The following GLTP variants were observed in gnomAD, a reference collection of about 807,000 sequenced individuals.
GLTP encodes glycolipid transfer protein.
GLTP carries 22 observed loss-of-function variants against 24.0 expected under a neutral mutation model. That is an observed-to-expected ratio of 0.92 (90% CI 0.65 to 1.31). The LOEUF is 1.31. GLTP is among the 50% of genes most tolerant of loss of function. The pLI, the probability that GLTP is intolerant of heterozygous loss-of-function variation, is 0.00. For missense variants in GLTP, 224 were observed against 276.6 expected, an observed-to-expected ratio of 0.81 and a Z score of 1.35; for synonymous variants, 92 against 115.9, an observed-to-expected ratio of 0.79 and a Z score of 1.33.
chr12:109,867,218 G>A lies in GLTP; in HGVS notation c.104-8477C>T, dbSNP rs112247488. 5.6e-3 allele frequency among the ~76,000 whole-genome samples: 847 copies of A among 151,694 alleles called. 6 individuals carry two copies. Among genetic ancestry groups the A allele is most frequent in the African/African-American group, 0.019 (805 of 41,342 alleles). ...AGCCGGAGTGCAGTGGAGCAATCTC[G>A]GCTCACTGCAACCTCCGCCTCCCGA... On this transcript the variant is annotated intron_variant, in intron 1 of 4. Coordinates refer to ENST00000318348, the MANE Select transcript of GLTP (RefSeq NM_016433.4).
intron 1 of GLTP, among the ~76,000 whole-genome samples, chr12:109,873,377 G>C (rs1868786862): frequency 6.6e-6 from 1 of 152,120 alleles, no homozygotes; most frequent in Admixed American, 6.5e-5. Context: ...GCTCACGCCT[G>C]TAATCCCAGC....
intron 1 of GLTP, among the ~76,000 whole-genome samples, chr12:109,861,087 C>G (rs1320476749): frequency 6.6e-6 from 1 of 151,252 alleles, no homozygotes; most frequent in African/African-American, 2.4e-5. Flanking sequence ...AAGGCCAATA[C>G]CCAGGAGGCC....
intron 1 of GLTP, among the ~76,000 whole-genome samples, chr12:109,862,539 C>T (rs374489535): frequency 6.6e-6 from 1 of 152,286 alleles, no homozygotes; most frequent in East Asian, 1.9e-4. Context: ...CCCATGCAGA[C>T]GTATGGCTGT....
intron 2 of GLTP, among the ~76,000 whole-genome samples, chr12:109,858,346 T>C (rs1393751204): frequency 1.3e-5 from 2 of 152,104 alleles, no homozygotes; most frequent in African/African-American, 2.4e-5. Flanking sequence ...ACTACCAGGA[T>C]TGGAGAAGGG....
chr12:109,875,969 C>T (rs1868866876), intron 1 of GLTP, among the ~76,000 whole-genome samples: 1 of 152,250 alleles, frequency 6.6e-6, no homozygotes, highest in African/African-American at 2.4e-5. Context: ...CACTGCAGCA[C>T]TGTCTACCAG....
rs558868266 is a variant in GLTP, at chr12:109,875,141, G to A, written c.103+5131C>T. Reference sequence around the variant, plus strand: ...GAACCCAGAAGAATGAGAATGGAATGAAAAGCAGTCATTCAGCGAAAAGTA... The same window carrying A: ...GAACCCAGAAGAATGAGAATGGAATAAAAAGCAGTCATTCAGCGAAAAGTA... On this transcript the variant is annotated intron_variant, in intron 1 of 4. Coordinates refer to ENST00000318348, the MANE Select transcript of GLTP (RefSeq NM_016433.4). Among the ~76,000 whole-genome samples the A allele has an allele frequency of 4.6e-5, 7 of 152,290 alleles. No individual in the cohort carries two copies. In the South Asian group the frequency reaches 1.5e-3, roughly 32 times the overall value.
chr12:109,854,427 T>C (rs1260931167), intron 4 of GLTP, among the ~76,000 whole-genome samples: 1 of 150,950 alleles, frequency 6.6e-6, no homozygotes, highest in Non-Finnish European at 1.5e-5. Context: ...ATGTGAACCA[T>C]GTGTCAAGCA....
chr12:109,877,873 C>A (rs1282094498), intron 1 of GLTP, among the ~76,000 whole-genome samples: 1 of 152,194 alleles, frequency 6.6e-6, no homozygotes, highest in Non-Finnish European at 1.5e-5. Flanking sequence ...CCTTCAGGAG[C>A]AATTCTCCTC....
At chr12:109,870,470 AAAAATAAAAT>A (rs61486850) in intron 1 of GLTP, among the ~76,000 whole-genome samples, 184 of 148,756 alleles carry the variant, frequency 1.2e-3, no homozygotes, top group African/African-American at 3.4e-3. Context: ...ACTCTGTCTC[AAAAATAAAAT>A]AAAATAAAAT....
In GLTP at chr12:109,852,619, G is replaced by A. The variant is rs758929905; in HGVS notation, c.566C>T (p.Ala189Val). The A allele has an allele frequency of 7.6e-5, 122 of 1,605,838 alleles. No homozygotes were observed. The highest frequency in any genetic ancestry group is 9.7e-5 in the Non-Finnish European group (114 of 1,172,680). Residue 189 changes from alanine to valine, a missense_variant, in exon 5 of 5, where the codon GCG becomes GTG. Ala to Val is a moderately conservative substitution (Grantham distance 64). Coordinates refer to ENST00000318348, the MANE Select transcript of GLTP (RefSeq NM_016433.4). ...KIRLFLVNYTATIDVIYEMYT... is the reference protein window; with the variant it reads ...KIRLFLVNYTVTIDVIYEMYT... Reference sequence around the variant, plus strand: ...CATCTCGTAGATGACATCGATGGTCGCCGTGTAGTTGACTAGGAAGAGGCG... The same window carrying A: ...CATCTCGTAGATGACATCGATGGTCACCGTGTAGTTGACTAGGAAGAGGCG...
At chr12:109,875,160 A>T (rs1432570449) in intron 1 of GLTP, among the ~76,000 whole-genome samples, 2 of 152,206 alleles carry the variant, frequency 1.3e-5, no homozygotes, top group Non-Finnish European at 2.9e-5. Context: ...TCATTCAGCG[A>T]AAAGTACTAG....
At chr12:109,863,286 A>C (rs534516151) in intron 1 of GLTP, among the ~76,000 whole-genome samples, 1 of 152,262 alleles carries the variant, frequency 6.6e-6, no homozygotes, top group South Asian at 2.1e-4. Context: ...TGCTCATAAA[A>C]TCCTATTTCT....
chr12:109,870,613 G>A (rs1443091414), intron 1 of GLTP, among the ~76,000 whole-genome samples: 2 of 152,080 alleles, frequency 1.3e-5, no homozygotes, highest in African/African-American at 4.8e-5. Flanking sequence ...TTATTCCAAT[G>A]ATTAAGAAAT....
At chr12:109,864,861 T>A (rs1868476392) in intron 1 of GLTP, among the ~76,000 whole-genome samples, 1 of 152,176 alleles carries the variant, frequency 6.6e-6, no homozygotes, top group South Asian at 2.1e-4. Context: ...TTTTATTTTA[T>A]TTTTTGAGGC....
intron 1 of GLTP, among the ~76,000 whole-genome samples, chr12:109,868,412 C>T (rs1868612306): frequency 2.0e-5 from 3 of 152,172 alleles, no homozygotes; most frequent in Admixed American, 2.0e-4. Context: ...CCAAGCTGCC[C>T]CTCCATGCCT....
intron 1 of GLTP, among the ~76,000 whole-genome samples, chr12:109,871,081 C>CT (rs965998479): frequency 0.13 from 14,374 of 114,440 alleles, 1,431 homozygotes; most frequent in African/African-American, 0.22. Flanking sequence ...CATTTCCATT[C>CT]TTTTTTTTTT....
Position 109,880,321 on chromosome 12 carries a change from G to T in GLTP, c.54C>A (p.Ile18=), listed in dbSNP as rs949270997. The T allele has an allele frequency of 3.1e-6, 5 of 1,602,054 alleles. No homozygotes were observed. Among genetic ancestry groups the T allele is most frequent in the Non-Finnish European group, 4.3e-6 (5 of 1,175,388 alleles). Residue 18 remains isoleucine, a synonymous_variant, in exon 1 of 5, where the codon ATC becomes ATA. Coordinates refer to ENST00000318348, the MANE Select transcript of GLTP (RefSeq NM_016433.4). This position sits in a 1 kb window ranked among gnomAD's most constrained non-coding sequence, Gnocchi z 5.1. The part of the protein sequence containing the change: ...LLKPLPADKQ[I]ETGPFLEAVS... ...CCGCCTCGAGGAAGGGCCCGGTCTC[G>T]ATCTGCTTGTCCGCGGGCAGCGGCT...
chr12:109,871,594 G>A lies in GLTP; in HGVS notation c.103+8678C>T, dbSNP rs372994850. The stretch of plus-strand genomic sequence containing the variant: ...CCTGTGGACCACTTCCTACCTTCAT[G>A]ACCTGATCAAATCGCTTCACCTCCC... On this transcript the variant is annotated intron_variant, in intron 1 of 4. Coordinates refer to ENST00000318348, the MANE Select transcript of GLTP (RefSeq NM_016433.4). 1.6e-4 allele frequency among the ~76,000 whole-genome samples: 24 copies of A among 152,228 alleles called. No individual in the cohort carries two copies. The East Asian group carries it at 1.7e-3, about 11-fold the overall frequency.
At position 109,857,505 on chromosome 12, in the gene GLTP, C is replaced by A; in HGVS notation, c.296+21G>T. 2 of 1,612,132 alleles carry A rather than the reference C, an allele frequency of 1.2e-6. No individual in the cohort carries two copies. The highest frequency in any genetic ancestry group is 1.7e-6 in the Non-Finnish European group (2 of 1,179,710). On this transcript the variant is annotated intron_variant, in intron 3 of 4. Transcript: ENST00000318348. The surrounding 1 kb of genome is among the most constrained non-coding windows in gnomAD (Gnocchi z 4.3). ...CTCCTCTGCAGCACAGAGCCCAGGCCCTGCCACCTGAGCCCATCACCTTTT... is the reference window on the plus strand; with the variant it reads ...CTCCTCTGCAGCACAGAGCCCAGGCACTGCCACCTGAGCCCATCACCTTTT...
Sources: gnomAD v4.1 joint callset for allele counts (sites outside exome capture counted in the v4.1 genomes callset) on GRCh38, gnomAD v4.1.1 for gene constraint, Gnocchi (gnomAD v3.1) non-coding constraint, MANE v1.5 for transcripts, NCBI Gene and HGNC (gene_info 2026-07-23, HGNC 2026-07-21) for gene names.